The following CPNE4 variants were observed in gnomAD, a reference collection of about 807,000 sequenced individuals.
CPNE4 encodes the protein copine 4, also known as copine-4.
A neutral mutation model predicts 67.9 loss-of-function variants in CPNE4; 25 were observed. The observed-to-expected ratio is 0.37, with a 90% confidence interval of 0.27 to 0.51. The LOEUF (loss-of-function observed/expected upper bound fraction) is 0.51. Among genes scored for constraint, CPNE4 ranks in the 20% least tolerant of loss-of-function variants. The pLI, the probability that CPNE4 is intolerant of heterozygous loss-of-function variation, is 0.93. For missense variants in CPNE4, 464 were observed against 690.8 expected (o/e 0.67, Z 3.68); for synonymous variants, 242 against 244.9 (o/e 0.99, Z 0.11).
At chr3:132,026,646 TTAAA>T (rs1330216040) in intron 1 of CPNE4, among the ~76,000 whole-genome samples, 17 of 152,296 alleles carry the variant, frequency 1.1e-4, no homozygotes, top group African/African-American at 3.4e-4. Flanking sequence ...ATTTATATAA[TTAAA>T]TAATTTTATT....
At chr3:131,628,424 G>A (rs1429040959) in intron 7 of CPNE4, among the ~76,000 whole-genome samples, 2 of 132,272 alleles carry the variant, frequency 1.5e-5, no homozygotes, top group Non-Finnish European at 3.3e-5. Flanking sequence ...GACCTCATGA[G>A]ACTTATTCAC....
At chr3:131,814,805 C>A (rs1331268097) in intron 2 of CPNE4, among the ~76,000 whole-genome samples, 1 of 137,464 alleles carries the variant, frequency 7.3e-6, no homozygotes, top group South Asian at 2.1e-4. Flanking sequence ...GGGGTTTCAC[C>A]GTTATAGCCG....
rs774061444 is a variant in CPNE4 at position 131,724,979 on chromosome 3, T to TG, written c.181-1355dup. 4.4e-4 allele frequency among the ~76,000 whole-genome samples: 67 copies of TG among 152,346 alleles called. 1 individual carries two copies. The Middle Eastern group carries it at 0.024, about 54-fold the overall frequency. On this transcript the variant is annotated intron_variant, in intron 2 of 15. Transcript: ENST00000429747. ...ATAACCCAAGATTCTATAGCATCCC[T>TG]GTACTAGAGATACCCATCCTTCCTA... is the stretch of plus-strand genomic sequence containing the variant.
chr3:131,548,772 G>A (rs1252367417), intron 14 of CPNE4, among the ~76,000 whole-genome samples: 1 of 152,130 alleles, frequency 6.6e-6, no homozygotes, highest in Non-Finnish European at 1.5e-5. Context: ...TGTCTTCTAA[G>A]CCATATCAGG....
At chr3:131,906,385 T>C (rs1236531400) in intron 1 of CPNE4, among the ~76,000 whole-genome samples, 1 of 148,494 alleles carries the variant, frequency 6.7e-6, no homozygotes, top group African/African-American at 2.5e-5. Context: ...GTATATCTCC[T>C]AATGCTATCC....
rs148863846 is a variant in CPNE4, at chr3:131,577,424, G to A, written c.868-2294C>T. Among the ~76,000 whole-genome samples, 19 of 152,112 alleles carry A rather than the reference G, an allele frequency of 1.2e-4. No homozygotes were observed. In the East Asian group the frequency reaches 3.1e-3, roughly 25 times the overall value. ...AGAGTATACTTACACAAACCTAGGT[G>A]GTATATCCCACTATACACCTAGGCT... is the stretch of plus-strand genomic sequence containing the variant. On this transcript the variant is annotated intron_variant, in intron 9 of 15. Coordinates refer to ENST00000429747, the MANE Select transcript of CPNE4 (RefSeq NM_130808.3).
intron 1 of CPNE4, among the ~76,000 whole-genome samples, chr3:131,935,045 A>C (rs548323265): frequency 1.8e-3 from 278 of 152,316 alleles, no homozygotes; most frequent in Non-Finnish European, 3.4e-3. Context: ...GTGATAAAGA[A>C]AAAATTCAAT....
intron 2 of CPNE4, among the ~76,000 whole-genome samples, chr3:131,747,553 T>A (rs964182731): frequency 2.0e-5 from 3 of 149,516 alleles, no homozygotes; most frequent in Non-Finnish European, 4.5e-5. Flanking sequence ...AAAAAAAAAA[T>A]TTGAGACAGG....
intron 15 of CPNE4, among the ~76,000 whole-genome samples, chr3:131,535,672 G>A (rs1228173967): frequency 6.6e-6 from 1 of 152,166 alleles, no homozygotes; most frequent in Non-Finnish European, 1.5e-5. Flanking sequence ...GGGTTTGAGG[G>A]TCTATGGTTC....
intron 2 of CPNE4, among the ~76,000 whole-genome samples, chr3:131,849,165 A>G (rs1415737963): frequency 6.6e-6 from 1 of 152,112 alleles, no homozygotes; most frequent in East Asian, 1.9e-4. Context: ...TCCTCTCAGT[A>G]CAAGTACAGA....
chr3:131,923,161 G>C (rs2070787885), intron 1 of CPNE4, among the ~76,000 whole-genome samples: 1 of 152,196 alleles, frequency 6.6e-6, no homozygotes, highest in Non-Finnish European at 1.5e-5. Flanking sequence ...TTGAAAGTCA[G>C]AGTTTAGTTC....
intron 2 of CPNE4, among the ~76,000 whole-genome samples, chr3:131,790,778 T>C (rs769194841): frequency 6.6e-6 from 1 of 152,222 alleles, no homozygotes; most frequent in African/African-American, 2.4e-5. Flanking sequence ...CTGATTTGTA[T>C]ACACAAATAC....
Position 131,534,698 on chromosome 3 carries a change from T to A in CPNE4, c.*497A>T, listed in dbSNP as rs902032686. ...ATTCTCAGCAGGGAGGAATTAGAGA[T>A]AACAACTGCAAAAACCATGTGGGTT... On this transcript the variant is annotated 3_prime_UTR_variant, in exon 16 of 16. Transcript: ENST00000429747. 6.6e-6 allele frequency: 1 copy of A among 152,472 alleles called. No individual in the cohort carries two copies. The highest frequency in any genetic ancestry group is 2.4e-5 in the African/African-American group (1 of 41,448). The allele number at this position is 152,472 out of a possible 1,614,324, so 9.4% of individuals were successfully genotyped here.
chr3:131,622,945 T>C (rs775386966), intron 7 of CPNE4, among the ~76,000 whole-genome samples: 1 of 152,218 alleles, frequency 6.6e-6, no homozygotes, highest in Non-Finnish European at 1.5e-5. Flanking sequence ...TTGCTGTTGT[T>C]GTTCTGTTGC....
At chr3:131,849,137 G>T (rs953385879) in intron 2 of CPNE4, among the ~76,000 whole-genome samples, 2 of 151,912 alleles carry the variant, frequency 1.3e-5, no homozygotes, top group African/African-American at 4.8e-5. Flanking sequence ...TATACCCTTT[G>T]CTAAGTGATC....
chr3:131,736,447 T>C (rs922173195), intron 2 of CPNE4, among the ~76,000 whole-genome samples: 1 of 151,348 alleles, frequency 6.6e-6, no homozygotes, highest in African/African-American at 2.4e-5. Flanking sequence ...TGGTGAAACC[T>C]CGTCTCTACT....
Position 131,777,578 on chromosome 3 carries a change from G to A in CPNE4, c.181-53953C>T, listed in dbSNP as rs1293029334. Among the ~76,000 whole-genome samples the A allele has an allele frequency of 2.6e-5, 4 of 152,024 alleles. No homozygotes were observed. The East Asian group carries it at 7.7e-4, about 29-fold the overall frequency. ...AGGAGAAGACTAAGTGCCTTTCTAG[G>A]GAGCCCTGTTCATCAGGATGTATGG... On this transcript the variant is annotated intron_variant, in intron 2 of 15. Coordinates refer to ENST00000429747, the MANE Select transcript of CPNE4 (RefSeq NM_130808.3).
intron 2 of CPNE4, among the ~76,000 whole-genome samples, chr3:131,886,295 G>A (rs753898809): frequency 2.0e-5 from 3 of 152,214 alleles, no homozygotes; most frequent in Non-Finnish European, 4.4e-5. Flanking sequence ...CAGCTTCCAC[G>A]TGGTGTTGAG....
At chr3:131,598,556 G>C (rs1939022061) in intron 7 of CPNE4, among the ~76,000 whole-genome samples, 1 of 152,068 alleles carries the variant, frequency 6.6e-6, no homozygotes, top group Admixed American at 6.5e-5. Context: ...TTTTATAGAT[G>C]ATGATCCCGA....
Sources: allele counts gnomAD v4.1 joint callset (sites outside exome capture counted in the v4.1 genomes callset), GRCh38; gene constraint gnomAD v4.1.1; transcripts MANE v1.5; gene names NCBI Gene and HGNC (gene_info 2026-07-23, HGNC 2026-07-21).